Variants in MAPK10 observed in about 807,000 individuals in gnomAD.
MAPK10 encodes the protein JNK3 alpha protein kinase.
Under a neutral mutation model 59.3 loss-of-function variants are expected in MAPK10, and 25 were observed. The observed-to-expected ratio is 0.42, with a 90% CI of 0.31 to 0.59. The LOEUF is 0.59. Among genes scored for constraint, MAPK10 ranks in the 20% least tolerant of loss-of-function variants. MAPK10 has a pLI of 0.15. For missense variants in MAPK10, 351 were observed against 568.9 expected (o/e 0.62, Z 3.90); for synonymous variants, 190 against 200.5 (o/e 0.95, Z 0.44).
intron 2 of MAPK10, among the ~76,000 whole-genome samples, chr4:86,242,957 C>T (rs1038385409): frequency 2.0e-5 from 3 of 152,170 alleles, no homozygotes; most frequent in African/African-American, 4.8e-5. Flanking sequence ...CATGGGTTTG[C>T]GAGTGGGATC....
chr4:86,170,783 G>T (rs575832027), intron 3 of MAPK10, among the ~76,000 whole-genome samples: 1 of 148,706 alleles, frequency 6.7e-6, no homozygotes, highest in Admixed American at 6.6e-5. Context: ...TTTTTTCAGC[G>T]CCACACCACA....
chr4:86,215,347 T>C (rs1382103587), intron 2 of MAPK10, among the ~76,000 whole-genome samples: 1 of 152,200 alleles, frequency 6.6e-6, no homozygotes, highest in Non-Finnish European at 1.5e-5. Flanking sequence ...AATATTGGAT[T>C]GTCAATGATT....
At chr4:86,074,754 G>T (rs912125550) in intron 9 of MAPK10, among the ~76,000 whole-genome samples, 2 of 134,628 alleles carry the variant, frequency 1.5e-5, no homozygotes, top group African/African-American at 3.0e-5. Flanking sequence ...GGTTTCTGCC[G>T]AGAGATCCGC....
intron 2 of MAPK10, among the ~76,000 whole-genome samples, chr4:86,230,335 A>C (rs2091359839): frequency 6.6e-6 from 1 of 152,218 alleles, no homozygotes; most frequent in Admixed American, 6.5e-5. Context: ...AAATTGTATC[A>C]CTCAAAGAAA....
chr4:86,213,286 T>A (rs2086395416), intron 2 of MAPK10, among the ~76,000 whole-genome samples: 1 of 151,964 alleles, frequency 6.6e-6, no homozygotes, highest in African/African-American at 2.4e-5. Context: ...CTTTGCAACT[T>A]AAGGAATTAG....
intron 1 of MAPK10, among the ~76,000 whole-genome samples, chr4:86,375,005 C>T (rs1303788025): frequency 1.3e-5 from 2 of 152,144 alleles, no homozygotes; most frequent in South Asian, 2.1e-4. Context: ...AAAACGTGTT[C>T]GGATATTGCT....
intron 1 of MAPK10, among the ~76,000 whole-genome samples, chr4:86,423,878 G>A (rs534717734): frequency 4.0e-5 from 6 of 150,118 alleles, no homozygotes; most frequent in Admixed American, 6.6e-5. Flanking sequence ...ACAGGGAATA[G>A]GCATAGATAA....
intron 11 of MAPK10, among the ~76,000 whole-genome samples, chr4:86,050,107 G>T (rs2043237473): frequency 6.6e-6 from 1 of 151,960 alleles, no homozygotes; most frequent in East Asian, 1.9e-4. Context: ...TTGCCTACCA[G>T]ATTCTACTCT....
Position 86,321,075 on chromosome 4 carries a change from T to C in MAPK10, c.-7+33455A>G, listed in dbSNP as rs2095879024. 2.0e-5 allele frequency among the ~76,000 whole-genome samples: 3 copies of C among 151,982 alleles called. No individual in the cohort carries two copies. The South Asian group carries it at 6.2e-4, about 32-fold the overall frequency. On this transcript the variant is annotated intron_variant, in intron 2 of 13. Coordinates refer to ENST00000641462, the MANE Select transcript of MAPK10 (RefSeq NM_138982.4). ...AGTTAGAATGGCAATCATTAAAAAGTCAGGAAACAACAGGTGCTGGAGAGG... is the reference window on the plus strand; with the variant it reads ...AGTTAGAATGGCAATCATTAAAAAGCCAGGAAACAACAGGTGCTGGAGAGG...
intron 1 of MAPK10, among the ~76,000 whole-genome samples, chr4:86,559,180 AT>A (rs1760486884): frequency 1.3e-5 from 2 of 152,006 alleles, no homozygotes; most frequent in African/African-American, 4.8e-5. Context: ...TTCTTGAGAC[AT>A]CCCCAAAAAT....
intron 2 of MAPK10, among the ~76,000 whole-genome samples, chr4:86,247,749 CATTTT>C (rs2093190125): frequency 6.6e-6 from 1 of 151,976 alleles, no homozygotes; most frequent in Non-Finnish European, 1.5e-5. Flanking sequence ...GTAGAGGTGA[CATTTT>C]ATTTGGGTCT....
intron 13 of MAPK10, chr4:86,027,573 T>C (rs541170583): frequency 6.6e-6 from 1 of 152,342 alleles, no homozygotes; most frequent in African/African-American, 2.4e-5. Flanking sequence ...TGTAAGAACA[T>C]GCTGAATAGT....
chr4:86,337,181 G>A (rs971685057), intron 2 of MAPK10, among the ~76,000 whole-genome samples: 18 of 152,170 alleles, frequency 1.2e-4, no homozygotes, highest in Non-Finnish European at 2.4e-4. Context: ...TTTGTTGAAT[G>A]AATAAATACA....
intron 2 of MAPK10, among the ~76,000 whole-genome samples, chr4:86,260,001 T>G (rs2093921871): frequency 6.6e-6 from 1 of 152,090 alleles, no homozygotes; most frequent in Non-Finnish European, 1.5e-5. Flanking sequence ...GGATTCAAAT[T>G]TCTCTTTTAC....
chr4:86,368,230 G>C (rs1041866735), intron 1 of MAPK10, among the ~76,000 whole-genome samples: 3 of 152,034 alleles, frequency 2.0e-5, no homozygotes, highest in Non-Finnish European at 2.9e-5. Context: ...GCAGCTTCAA[G>C]TTTACAGAAA....
At chr4:86,257,880 C>A (rs147992179) in intron 2 of MAPK10, among the ~76,000 whole-genome samples, 50 of 152,204 alleles carry the variant, frequency 3.3e-4, no homozygotes, top group Non-Finnish European at 6.5e-4. Context: ...AAGTGTCATT[C>A]TGAATATACT....
At chr4:86,261,417 T>C (rs1262045061) in intron 2 of MAPK10, among the ~76,000 whole-genome samples, 1 of 152,210 alleles carries the variant, frequency 6.6e-6, no homozygotes, top group East Asian at 1.9e-4. Flanking sequence ...CTTTTTAAAC[T>C]TTTCTCTAGT....
At chr4:86,553,312 G>T (rs919537000) in intron 1 of MAPK10, among the ~76,000 whole-genome samples, 5 of 152,122 alleles carry the variant, frequency 3.3e-5, no homozygotes, top group African/African-American at 1.2e-4. Context: ...AATCTAAATG[G>T]TGTTTTAGTT....
Position 86,556,390 on chromosome 4 carries a change from C to T in MAPK10, c.-263+37520G>A, listed in dbSNP as rs1760269402. Among the ~76,000 whole-genome samples, 3 of 151,976 alleles carry T rather than the reference C, an allele frequency of 2.0e-5. No individual in the cohort carries two copies. The South Asian group carries it at 6.2e-4, about 32-fold the overall frequency. On this transcript the variant is annotated intron_variant, in intron 1 of 4. Coordinates refer to the MAPK10 transcript ENST00000502302. The stretch of plus-strand genomic sequence containing the variant: ...TAAATGAAATGCTTTATTTTTTTTA[C>T]AAAATTCTAGATATCATAATAAGCC...
Sources: gnomAD v4.1 joint callset for allele counts (sites outside exome capture counted in the v4.1 genomes callset) on GRCh38, gnomAD v4.1.1 for gene constraint, MANE v1.5 for transcripts, NCBI Gene and HGNC (gene_info 2026-07-23, HGNC 2026-07-21) for gene names.